DRC9: variants seen among roughly 807,000 people sequenced by gnomAD.
DRC9 encodes the protein dynein regulatory complex subunit 9, also known as dynein regulatory complex protein 9.
the DRC9 span, among the ~76,000 whole-genome samples, chr3:197,943,229 T>C: frequency 3.3e-5 from 5 of 152,320 alleles, no homozygotes; most frequent in African/African-American, 9.6e-5. Context: ...AGTAATTCCA[T>C]CTCTTCAGTA....
At chr3:197,950,918 CTTT>C in the DRC9 span, 1 of 1,613,622 alleles carries the variant, frequency 6.2e-7, no homozygotes, top group Non-Finnish European at 8.5e-7. Flanking sequence ...TTAAACTAAT[CTTT>C]TTGTTTGTTT....
the DRC9 span, among the ~76,000 whole-genome samples, chr3:197,955,407 C>T: frequency 6.6e-6 from 1 of 151,896 alleles, no homozygotes; most frequent in Non-Finnish European, 1.5e-5. Context: ...GGACTATAGG[C>T]ACGTACCACC....
the DRC9 span, among the ~76,000 whole-genome samples, chr3:197,921,382 T>C: frequency 4.2e-4 from 10 of 23,560 alleles, no homozygotes; most frequent in East Asian, 1.6e-3. Flanking sequence ...GGGATTTAAC[T>C]TGGTTTCTTC....
chr3:197,894,142 T>C, the DRC9 span, among the ~76,000 whole-genome samples: 1 of 152,226 alleles, frequency 6.6e-6, no homozygotes, highest in Admixed American at 6.5e-5. Context: ...ACTCTGGCAC[T>C]GAAAGAAAGT....
chr3:197,904,111 T>TATATATATA, the DRC9 span, among the ~76,000 whole-genome samples: 3 of 22,808 alleles, frequency 1.3e-4, no homozygotes, highest in South Asian at 1.6e-3. Flanking sequence ...TATATATATA[T>TATATATATA]TTTTTTTTTT....
At chr3:197,951,413 A>G in the DRC9 span, 12 of 1,303,910 alleles carry the variant, frequency 9.2e-6, no homozygotes, top group Non-Finnish European at 1.3e-5. Context: ...GAATGCAGTG[A>G]CTTGGTCTCC....
chr3:197,911,550 A>G, the DRC9 span, among the ~76,000 whole-genome samples: 1 of 152,258 alleles, frequency 6.6e-6, no homozygotes, highest in Non-Finnish European at 1.5e-5. Context: ...TTTTATAAAG[A>G]AACTGTAATA....
chr3:197,946,926 G>A, the DRC9 span, among the ~76,000 whole-genome samples: 2 of 152,088 alleles, frequency 1.3e-5, no homozygotes, highest in African/African-American at 4.8e-5. Flanking sequence ...AGGTTCAAGT[G>A]ATTTCCCTGC....
the DRC9 span, among the ~76,000 whole-genome samples, chr3:197,915,737 C>T: frequency 3.3e-5 from 5 of 151,476 alleles, no homozygotes; most frequent in Non-Finnish European, 7.4e-5. Context: ...TCAAGTGATC[C>T]TCCTGCCTCA....
the DRC9 span, chr3:197,950,487 T>C: frequency 2.7e-6 from 1 of 375,138 alleles, no homozygotes. Flanking sequence ...TGTGCAGTTG[T>C]CCATGAGGCA....
the DRC9 span, chr3:197,891,422 G>A: frequency 9.6e-6 from 12 of 1,246,256 alleles, no homozygotes; most frequent in East Asian, 2.3e-5. Flanking sequence ...CAGCTGTGGC[G>A]AGATACTGAT....
At chr3:197,927,907 T>C in the DRC9 span, among the ~76,000 whole-genome samples, 1 of 130,110 alleles carries the variant, frequency 7.7e-6, no homozygotes, top group Non-Finnish European at 1.5e-5. Flanking sequence ...AGTTGAACAA[T>C]GAGAACATAT....
At chr3:197,916,618 C>T in the DRC9 span, among the ~76,000 whole-genome samples, 3 of 151,834 alleles carry the variant, frequency 2.0e-5, no homozygotes, top group East Asian at 5.8e-4. Flanking sequence ...CCACCGTGTC[C>T]CCCAGGCTGT....
chr3:197,904,095 T>C, the DRC9 span, among the ~76,000 whole-genome samples: 29 of 45,368 alleles, frequency 6.4e-4, 1 homozygote, highest in Non-Finnish European at 8.3e-4. Context: ...TACATATATA[T>C]ATATATATAT....
the DRC9 span, among the ~76,000 whole-genome samples, chr3:197,947,424 C>A: frequency 3.3e-5 from 5 of 152,274 alleles, no homozygotes; most frequent in South Asian, 6.2e-4. Context: ...ATGATCTGGG[C>A]CCCTCTGTTC....
At chr3:197,902,440 G>A in the DRC9 span, among the ~76,000 whole-genome samples, 260 of 152,164 alleles carry the variant, frequency 1.7e-3, 5 homozygotes, top group Non-Finnish European at 1.9e-3. Flanking sequence ...ATTCAAAATA[G>A]CCATTTTGAG....
chr3:197,896,900 C>T, the DRC9 span, among the ~76,000 whole-genome samples: 2 of 152,124 alleles, frequency 1.3e-5, no homozygotes, highest in Non-Finnish European at 2.9e-5. Flanking sequence ...CAAAAAAAAT[C>T]CAGCTATGAA....
the DRC9 span, among the ~76,000 whole-genome samples, chr3:197,909,206 A>G: frequency 2.0e-5 from 3 of 152,348 alleles, no homozygotes; most frequent in East Asian, 3.9e-4. Context: ...ACACCAGAAC[A>G]GTGGTGTTGT....
At chr3:197,918,258 CTTTTTTT>C in the DRC9 span, among the ~76,000 whole-genome samples, 623 of 60,292 alleles carry the variant, frequency 0.01, 6 homozygotes, top group African/African-American at 0.033. Context: ...TAATTTTTTG[CTTTTTTT>C]TTTTTTTTTT....
Sources: gnomAD v4.1 joint callset for allele counts (sites outside exome capture counted in the v4.1 genomes callset) on GRCh38, gnomAD v4.1.1 for gene constraint, MANE v1.5 for transcripts, NCBI Gene and HGNC (gene_info 2026-07-23, HGNC 2026-07-21) for gene names.